Variants in PLCXD1 observed in about 807,000 individuals in gnomAD.
PLCXD1 encodes the protein PI-PLC X domain-containing protein 1.
A neutral mutation model predicts 37.8 loss-of-function variants in PLCXD1; 45 were observed. The observed-to-expected ratio is 1.19, with a 90% CI of 0.94 to 1.53. PLCXD1 has a LOEUF of 1.53. PLCXD1 is among the 40% of genes most tolerant of loss of function. PLCXD1 has a pLI of 0.00. For synonymous variants in PLCXD1, 246 were observed against 206.9 expected (o/e 1.19, Z -1.62); for missense variants, 539 against 454.7 (o/e 1.19, Z -1.69).
rs2069366589 is a variant in PLCXD1, at chrX:284,099, C to A, written c.-21-68C>A. 3.1e-6 allele frequency: 4 copies of A among 1,286,084 alleles called. No homozygotes were observed. The East Asian group carries it at 9.3e-5, about 30-fold the overall frequency. 79.7% of individuals were successfully genotyped at this position (1,286,084 alleles called of 1,614,324 possible). On this transcript the variant is annotated intron_variant, in intron 1 of 6. Coordinates refer to ENST00000381657, the MANE Select transcript of PLCXD1 (RefSeq NM_018390.4). ...AGAGATGGGGTTTTGTCAAGTTGGC[C>A]AGGCTGGTCTCGAACTCCTGACCTG...
At chrX:292,542 G>A (rs1261603501) in intron 5 of PLCXD1, among the ~76,000 whole-genome samples, 2 of 152,138 alleles carry the variant, frequency 1.3e-5, no homozygotes, top group South Asian at 2.1e-4. Flanking sequence ...TCCTGGCCTC[G>A]AGTGATCCTC....
intron 2 of PLCXD1, among the ~76,000 whole-genome samples, chrX:287,556 A>G (rs1165965550): frequency 1.0e-5 from 1 of 97,596 alleles, no homozygotes; most frequent in East Asian, 2.5e-4. Flanking sequence ...ATAGATATAG[A>G]TACTATATAT....
chrX:279,383 C>G (rs1219413458), upstream of PLCXD1, among the ~76,000 whole-genome samples: 1 of 152,148 alleles, frequency 6.6e-6, no homozygotes, highest in Admixed American at 6.5e-5. Context: ...CTGACAGGTT[C>G]AATCGGTGAA....
At chrX:282,776 C>A (rs1433171411) in intron 1 of PLCXD1, among the ~76,000 whole-genome samples, 1 of 148,394 alleles carries the variant, frequency 6.7e-6, no homozygotes, top group Non-Finnish European at 1.5e-5. Flanking sequence ...TACAAGTTGT[C>A]TAAAATGTCC....
At position 299,592 on chromosome X, in the gene PLCXD1, T is replaced by C; in HGVS notation, c.*257T>C. 1.8e-6 allele frequency: 1 copy of C among 565,676 alleles called. No individual in the cohort carries two copies. The highest frequency in any genetic ancestry group is 3.1e-6 in the Non-Finnish European group (1 of 319,138). 35.0% of individuals were successfully genotyped at this position (565,676 alleles called of 1,614,324 possible). A position where few individuals can be genotyped will look rare whatever the true frequency, so the allele number is the denominator to read the frequency against. On this transcript the variant is annotated 3_prime_UTR_variant, in exon 7 of 7. Transcript: ENST00000381657. ...GACCAACATGGTGAAATCCCATCTC[T>C]ACTAAAAATACAAAACTTAGCTGGG...
chrX:289,319 C>T (rs1361550462), intron 3 of PLCXD1, among the ~76,000 whole-genome samples: 2 of 151,974 alleles, frequency 1.3e-5, no homozygotes, highest in African/African-American at 4.8e-5. Context: ...GATCTCCTGA[C>T]CTCATGATCT....
rs201544656 is a variant in PLCXD1, at chrX:300,542, GTA to G, written c.*1211_*1212del. ...TATGTGTATACGTGTATGCATACAT[GTA>G]TATGTGTATGCATGTATATGTGTAT... On this transcript the variant is annotated 3_prime_UTR_variant, in exon 7 of 7. Transcript: ENST00000381657. 0.2 allele frequency: 30,489 copies of G among 149,458 alleles called. 3,537 individuals are homozygous for G. The highest frequency in any genetic ancestry group is 0.33 in the African/African-American group (13,020 of 39,266). 9.3% of individuals were successfully genotyped at this position (149,458 alleles called of 1,614,324 possible).
chrX:284,212 A>G lies in PLCXD1; in HGVS notation c.25A>G (p.Asn9Asp), dbSNP rs193011766. The part of the protein sequence containing the change: MGGQVSAS[N>D]SFSRLHCRNA... ...GATGGGTGGGCAGGTGAGCGCTTCCAACAGCTTCTCGAGGCTGCACTGCAG... is the reference window on the plus strand; with the variant it reads ...GATGGGTGGGCAGGTGAGCGCTTCCGACAGCTTCTCGAGGCTGCACTGCAG... The change falls in exon 2 of 7, where the codon AAC becomes GAC. Residue 9 changes from asparagine (N) to aspartate (D), a missense_variant. Transcript: ENST00000381657. 416 of 1,613,468 alleles carry G rather than the reference A, an allele frequency of 2.6e-4. 2 individuals carry two copies. The East Asian group carries it at 6.2e-3, about 24-fold the overall frequency.
chrX:301,277 C>G lies in PLCXD1; in HGVS notation c.*1942C>G, dbSNP rs1642854991. 1 of 152,166 alleles carries G rather than the reference C, an allele frequency of 6.6e-6. No homozygotes were observed. The highest frequency in any genetic ancestry group is 1.5e-5 in the Non-Finnish European group (1 of 68,088). 9.4% of individuals were successfully genotyped at this position (152,166 alleles called of 1,614,324 possible). A position where few individuals can be genotyped will look rare whatever the true frequency, so the allele number is the denominator to read the frequency against. On this transcript the variant is annotated 3_prime_UTR_variant, in exon 7 of 7. Transcript: ENST00000381657. Reference sequence around the variant, plus strand: ...CCTCCCACCTTAGCTTCCAGAGTGGCCAGGATCACAGGCAGGCACCACCAT... The same window carrying G: ...CCTCCCACCTTAGCTTCCAGAGTGGGCAGGATCACAGGCAGGCACCACCAT...
chrX:284,646 AC>A (rs1569564409), intron 2 of PLCXD1, among the ~76,000 whole-genome samples: 7 of 129,124 alleles, frequency 5.4e-5, no homozygotes, highest in Middle Eastern at 4.0e-3. Context: ...CTGCACACAC[AC>A]ATGCACATCT....
intron 2 of PLCXD1, 46 bp downstream of exon 2, chrX:284,360 C>A: frequency 6.2e-7 from 1 of 1,606,810 alleles, no homozygotes; most frequent in South Asian, 1.1e-5. Context: ...TCCCAGGTGA[C>A]GGCAGGGTGG....
intron 2 of PLCXD1, 97 bp from the exon 3 acceptor site, chrX:288,636 G>A: frequency 7.5e-6 from 10 of 1,334,604 alleles, no homozygotes; most frequent in Non-Finnish European, 1.1e-5. Flanking sequence ...CTGTGGGCGG[G>A]CAGCAGCCTG....
chrX:286,846 A>G (rs925197118), intron 2 of PLCXD1, among the ~76,000 whole-genome samples: 14 of 152,028 alleles, frequency 9.2e-5, no homozygotes, highest in African/African-American at 3.4e-4. Flanking sequence ...CCTGTCTTAT[A>G]AACTAGGCAA....
chrX:292,325 G>A (rs1399405030), intron 5 of PLCXD1, among the ~76,000 whole-genome samples: 1 of 152,032 alleles, frequency 6.6e-6, no homozygotes. Context: ...CGGGCGTGGT[G>A]GCGGGCGCCT....
intron 2 of PLCXD1, 99 bp downstream of exon 2, chrX:284,413 C>T: frequency 5.9e-6 from 8 of 1,347,344 alleles, no homozygotes; most frequent in Non-Finnish European, 8.4e-6. Context: ...GGGACGCTGG[C>T]TGTAGGAGCA....
chrX:287,766 T>C (rs1478993458), intron 2 of PLCXD1, among the ~76,000 whole-genome samples: 1 of 148,516 alleles, frequency 6.7e-6, no homozygotes, highest in Non-Finnish European at 1.5e-5. Context: ...AATATAGATA[T>C]ATTTATATCT....
At chrX:287,478 A>G (rs2069487600) in intron 2 of PLCXD1, among the ~76,000 whole-genome samples, 1 of 130,904 alleles carries the variant, frequency 7.6e-6, no homozygotes, top group African/African-American at 3.1e-5. Context: ...TATACTATAT[A>G]TGTTTATATA....
At position 300,462 on chromosome X, in the gene PLCXD1, ATGTG is replaced by A. The variant is rs774233905; in HGVS notation, c.*1141_*1144del. The A allele has an allele frequency of 0.018, 2,621 of 142,682 alleles. 73 individuals are homozygous for A. The highest frequency in any genetic ancestry group is 0.06 in the African/African-American group (2,310 of 38,364). 8.8% of individuals were successfully genotyped at this position (142,682 alleles called of 1,614,324 possible). A position where few individuals can be genotyped will look rare whatever the true frequency, so the allele number is the denominator to read the frequency against. On this transcript the variant is annotated 3_prime_UTR_variant, in exon 7 of 7. Coordinates refer to ENST00000381657, the MANE Select transcript of PLCXD1 (RefSeq NM_018390.4). ...TGTATGTATGTTTATACATGTGTATATGTGTGTGTGTGTGTGTATATGTGTGTAT... is the reference window on the plus strand; with the variant it reads ...TGTATGTATGTTTATACATGTGTATATGTGTGTGTGTGTATATGTGTGTAT...
Position 302,414 on chromosome X carries a change from A to T in PLCXD1, c.*3079A>T, listed in dbSNP as rs1259165993. ...AAATACTTTTTTTTGTTTTTTTGAG[A>T]TGGATTTTCCCTCTTGTTGTTCAGG... On this transcript the variant is annotated 3_prime_UTR_variant, in exon 7 of 7. Coordinates refer to ENST00000381657, the MANE Select transcript of PLCXD1 (RefSeq NM_018390.4). 6.7e-6 allele frequency: 1 copy of T among 148,526 alleles called. No homozygotes were observed. The highest frequency in any genetic ancestry group is 2.4e-5 in the African/African-American group (1 of 40,830). The allele number at this position is 148,526 out of a possible 1,614,324, so 9.2% of individuals were successfully genotyped here. A position where few individuals can be genotyped will look rare whatever the true frequency, so the allele number is the denominator to read the frequency against.
Sources: allele counts gnomAD v4.1 joint callset (sites outside exome capture counted in the v4.1 genomes callset), GRCh38; gene constraint gnomAD v4.1.1; transcripts MANE v1.5; gene names NCBI Gene and HGNC (gene_info 2026-07-23, HGNC 2026-07-21).